Variants in VPS13B observed in about 807,000 individuals in gnomAD.
VPS13B encodes the protein intermembrane lipid transfer protein VPS13B.
In VPS13B, 285 loss-of-function variants were observed where a neutral mutation model predicts 426.4. The ratio of observed to expected loss-of-function variants is 0.67; its 90% CI spans 0.61 to 0.74. VPS13B has a LOEUF of 0.74. Among genes scored for constraint, VPS13B ranks in the 30% least tolerant of loss-of-function variants. VPS13B has a pLI of 0.00. For missense variants in VPS13B, 4,537 were observed against 4,782.6 expected (o/e 0.95, Z 1.51); for synonymous variants, 1,676 against 1,676.4 (o/e 1.00, Z 0.01).
intron 17 of VPS13B, among the ~76,000 whole-genome samples, chr8:99,270,807 C>G (rs1306626751): frequency 6.6e-6 from 1 of 151,594 alleles, no homozygotes; most frequent in African/African-American, 2.4e-5. Context: ...GGAGGGAAGG[C>G]TATTATTAAG....
chr8:99,339,009 C>T (rs1025854055), intron 19 of VPS13B, among the ~76,000 whole-genome samples: 1 of 152,126 alleles, frequency 6.6e-6, no homozygotes, highest in African/African-American at 2.4e-5. Flanking sequence ...TCTCCTGTTT[C>T]ACCATATCAG....
chr8:99,161,934 T>C (rs1461190709), intron 15 of VPS13B, among the ~76,000 whole-genome samples: 2 of 152,170 alleles, frequency 1.3e-5, no homozygotes, highest in African/African-American at 4.8e-5. Flanking sequence ...GGTCTCACCA[T>C]GTTGACCAGG....
rs1240825571 is a variant in VPS13B, at chr8:99,871,126, C to CATTG, written c.11495+240_11495+243dup. 3.8e-5 allele frequency: 23 copies of CATTG among 602,074 alleles called. No individual in the cohort carries two copies. In the African/African-American group the frequency reaches 3.9e-4, roughly 10 times the overall value. The allele number at this position is 602,074 out of a possible 1,614,324, so 37.3% of individuals were successfully genotyped here. On this transcript the variant is annotated intron_variant, in intron 60 of 61. Transcript: ENST00000357162. ...ACCTAACCACTCAAGGAAGGTCATA[C>CATTG]ATTGGCAGAGAAACCCAGTCTTGCT...
intron 30 of VPS13B, among the ~76,000 whole-genome samples, chr8:99,526,601 A>G (rs1157659386): frequency 6.6e-6 from 1 of 152,210 alleles, no homozygotes; most frequent in Non-Finnish European, 1.5e-5. Flanking sequence ...GGCCTAAACA[A>G]CTAGGAGGAT....
At chr8:99,396,794 CT>C (rs1285761857) in intron 21 of VPS13B, among the ~76,000 whole-genome samples, 1 of 152,102 alleles carries the variant, frequency 6.6e-6, no homozygotes, top group Non-Finnish European at 1.5e-5. Flanking sequence ...TTGAGTGCCA[CT>C]TCACTGATGC....
intron 40 of VPS13B, 34 bp from the exon 41 acceptor site, chr8:99,776,741 T>C: frequency 6.2e-7 from 1 of 1,612,156 alleles, no homozygotes; most frequent in Non-Finnish European, 8.5e-7. Flanking sequence ...GAAATTTTGG[T>C]TATTGAACTT....
At chr8:99,060,466 G>A (rs1214307590) in intron 3 of VPS13B, among the ~76,000 whole-genome samples, 4 of 151,908 alleles carry the variant, frequency 2.6e-5, no homozygotes, top group Admixed American at 6.6e-5. Context: ...AAAATTAGCC[G>A]GGTGTGGTGG....
At chr8:99,376,992 G>A (rs1006015051) in intron 19 of VPS13B, among the ~76,000 whole-genome samples, 2 of 151,780 alleles carry the variant, frequency 1.3e-5, no homozygotes, top group Admixed American at 6.6e-5. Flanking sequence ...TGTAAGTATT[G>A]AATTAAAATT....
chr8:99,071,460 G>A (rs1423606044), intron 3 of VPS13B, among the ~76,000 whole-genome samples: 5 of 152,128 alleles, frequency 3.3e-5, no homozygotes, highest in East Asian at 1.9e-4. Context: ...TGCTTCAGGC[G>A]GGGAAAAAGG....
intron 25 of VPS13B, among the ~76,000 whole-genome samples, chr8:99,487,900 G>A (rs540422178): frequency 4.5e-4 from 68 of 152,210 alleles, no homozygotes; most frequent in Admixed American, 9.8e-4. Flanking sequence ...GGATAATACT[G>A]CTTTGAACAC....
At chr8:99,535,992 C>T (rs1823195549) in intron 30 of VPS13B, among the ~76,000 whole-genome samples, 1 of 150,454 alleles carries the variant, frequency 6.6e-6, no homozygotes, top group Admixed American at 6.6e-5. Flanking sequence ...TCTTTTTGCC[C>T]AGAGTGGATT....
chr8:99,640,049 G>GAAGAAGAGAAAAGAAGAGAAAAGAAA (rs1299280170), intron 33 of VPS13B, among the ~76,000 whole-genome samples: 1 of 99,724 alleles, frequency 1.0e-5, no homozygotes, highest in Non-Finnish European at 2.0e-5. Context: ...AGAAGAAGAA[G>GAAGAAGAGAAAAGAAGAGAAAAGAAA]AGAAAAGAAA....
intron 54 of VPS13B, among the ~76,000 whole-genome samples, chr8:99,842,059 T>TG (rs1815717175): frequency 6.6e-6 from 1 of 152,190 alleles, no homozygotes; most frequent in Admixed American, 6.5e-5. Flanking sequence ...TTTCAAAGTC[T>TG]AAGTCTATAA....
intron 21 of VPS13B, among the ~76,000 whole-genome samples, chr8:99,408,422 A>G (rs545098022): frequency 6.6e-6 from 1 of 152,202 alleles, no homozygotes; most frequent in Non-Finnish European, 1.5e-5. Flanking sequence ...AATTTTCAGG[A>G]TGTATGGTGT....
intron 5 of VPS13B, among the ~76,000 whole-genome samples, chr8:99,109,781 A>G (rs1262560240): frequency 6.6e-6 from 1 of 152,190 alleles, no homozygotes; most frequent in African/African-American, 2.4e-5. Context: ...ACTGTATAAC[A>G]ATAGACAGAC....
At chr8:99,233,593 A>G in intron 17 of VPS13B, 1 of 1,214,054 alleles carries the variant, frequency 8.2e-7, no homozygotes, top group East Asian at 2.3e-5. Context: ...CCAGCATATC[A>G]TTTTCAAAGG....
chr8:99,688,787 C>T (rs1345817532), intron 35 of VPS13B, among the ~76,000 whole-genome samples: 1 of 152,026 alleles, frequency 6.6e-6, no homozygotes, highest in Non-Finnish European at 1.5e-5. Flanking sequence ...AATGTATATA[C>T]ATGGGAGCCT....
intron 24 of VPS13B, among the ~76,000 whole-genome samples, chr8:99,481,051 C>G (rs1820007732): frequency 6.6e-6 from 1 of 152,022 alleles, no homozygotes; most frequent in African/African-American, 2.4e-5. Flanking sequence ...ATGACATCTC[C>G]TTTGGGAATA....
intron 39 of VPS13B, among the ~76,000 whole-genome samples, chr8:99,746,790 A>G (rs1167652254): frequency 6.6e-6 from 1 of 152,104 alleles, no homozygotes; most frequent in African/African-American, 2.4e-5. Flanking sequence ...GGAATCAACA[A>G]CATCTGTAGC....
Sources: gnomAD v4.1 joint callset for allele counts (sites outside exome capture counted in the v4.1 genomes callset) on GRCh38, gnomAD v4.1.1 for gene constraint, MANE v1.5 for transcripts, NCBI Gene and HGNC (gene_info 2026-07-23, HGNC 2026-07-21) for gene names.